The following NTM variants were observed in gnomAD, a reference collection of about 807,000 sequenced individuals.
NTM encodes IgLON family member 2.
In NTM, 13 loss-of-function variants were observed where a neutral mutation model predicts 42.1. That is an observed-to-expected ratio of 0.31 (90% CI 0.20 to 0.49). The LOEUF (loss-of-function observed/expected upper bound fraction) is 0.49, where lower values mean the gene tolerates loss of function less well. NTM is among the 20% of genes least tolerant of loss of function. NTM has a pLI of 0.99. For synonymous variants in NTM, 187 were observed against 179.2 expected, an observed-to-expected ratio of 1.04 and a Z score of -0.35; for missense variants, 373 against 452.8, an observed-to-expected ratio of 0.82 and a Z score of 1.60.
chr11:132,272,761 A>AT (rs979069246), intron 4 of NTM, among the ~76,000 whole-genome samples: 2 of 151,744 alleles, frequency 1.3e-5, no homozygotes, highest in Non-Finnish European at 2.9e-5. Context: ...ATTAGTTTGA[A>AT]TTTTTTTTAG....
chr11:132,326,939 G>C (rs1191274424), intron 7 of NTM, among the ~76,000 whole-genome samples: 1 of 152,186 alleles, frequency 6.6e-6, no homozygotes, highest in Non-Finnish European at 1.5e-5. Context: ...GAGTACACTT[G>C]GCTTTAAGAG....
intron 1 of NTM, among the ~76,000 whole-genome samples, chr11:131,494,523 G>A (rs1356677141): frequency 6.6e-6 from 1 of 152,210 alleles, no homozygotes; most frequent in Non-Finnish European, 1.5e-5. Flanking sequence ...ATTTGCTGGG[G>A]CTGGGAGTTT....
chr11:131,921,792 G>A (rs2057261215), intron 2 of NTM, among the ~76,000 whole-genome samples: 1 of 151,976 alleles, frequency 6.6e-6, no homozygotes, highest in African/African-American at 2.4e-5. Flanking sequence ...AATCAGGGTG[G>A]AAATGCTTGC....
At chr11:131,724,647 C>T (rs890945000) in intron 1 of NTM, among the ~76,000 whole-genome samples, 3 of 152,170 alleles carry the variant, frequency 2.0e-5, no homozygotes, top group Non-Finnish European at 1.5e-5. Flanking sequence ...TTTCAAAACC[C>T]GCAGCCCCTC....
intron 4 of NTM, among the ~76,000 whole-genome samples, chr11:132,241,464 A>G (rs2090174553): frequency 1.3e-5 from 2 of 152,182 alleles, no homozygotes; most frequent in Admixed American, 6.5e-5. Flanking sequence ...CCCCCCAGCA[A>G]TACAATTCAG....
chr11:131,910,959 T>G (rs1265317311), intron 1 of NTM: 2 of 993,880 alleles, frequency 2.0e-6, no homozygotes, highest in African/African-American at 3.5e-5. Flanking sequence ...ACTTCCCATC[T>G]GCTATTGTTT....
intron 2 of NTM, among the ~76,000 whole-genome samples, chr11:131,962,135 C>A (rs1040381094): frequency 6.6e-6 from 1 of 152,092 alleles, no homozygotes; most frequent in Admixed American, 6.5e-5. Flanking sequence ...AGCATACTTT[C>A]CTGGGTGCAT....
intron 2 of NTM, among the ~76,000 whole-genome samples, chr11:132,095,366 T>C (rs1488524756): frequency 6.6e-6 from 1 of 151,878 alleles, no homozygotes; most frequent in Admixed American, 6.6e-5. Flanking sequence ...ACAGGAACCC[T>C]TTCATCCACT....
At chr11:132,298,766 A>G (rs1484294497) in intron 4 of NTM, among the ~76,000 whole-genome samples, 1 of 152,216 alleles carries the variant, frequency 6.6e-6, no homozygotes, top group Non-Finnish European at 1.5e-5. Context: ...TATAGTTGAT[A>G]TATGCGTAGC....
chr11:131,795,039 AG>A (rs1169324636), intron 1 of NTM: 59 of 964,106 alleles, frequency 6.1e-5, no homozygotes, highest in Admixed American at 1.8e-4. Flanking sequence ...CTGTAGCCAA[AG>A]GGGGGGAAAA....
At chr11:132,075,201 A>G (rs1489901107) in intron 2 of NTM, among the ~76,000 whole-genome samples, 3 of 152,152 alleles carry the variant, frequency 2.0e-5, no homozygotes, top group Non-Finnish European at 2.9e-5. Context: ...GGGAATGAGC[A>G]TGGAGTTTCA....
chr11:132,132,782 A>G (rs1206790643), intron 2 of NTM, among the ~76,000 whole-genome samples: 1 of 152,178 alleles, frequency 6.6e-6, no homozygotes, highest in Non-Finnish European at 1.5e-5. Flanking sequence ...AAAAGAGAGA[A>G]GCACCCCACT....
chr11:131,672,035 G>A lies in NTM; in HGVS notation c.83-239529G>A, dbSNP rs117432630. Among the ~76,000 whole-genome samples, 1,058 of 152,330 alleles carry A rather than the reference G, an allele frequency of 6.9e-3. 7 individuals carry two copies. The highest frequency in any genetic ancestry group is 0.011 in the Non-Finnish European group (763 of 68,030). On this transcript the variant is annotated intron_variant, in intron 1 of 8. Transcript: ENST00000683400. ...GGGGCCCGCAGCGTGCCCTCGCTGT[G>A]TTCCTCTCCACGTGCACATCCCTTT...
At chr11:131,690,723 G>A (rs1338363504) in intron 1 of NTM, among the ~76,000 whole-genome samples, 4 of 152,248 alleles carry the variant, frequency 2.6e-5, no homozygotes, top group Non-Finnish European at 5.9e-5. Context: ...CAGGACGTGG[G>A]TGCTAAGCGT....
chr11:131,955,833 G>A (rs1266439895), intron 2 of NTM, among the ~76,000 whole-genome samples: 2 of 152,188 alleles, frequency 1.3e-5, no homozygotes, highest in East Asian at 1.9e-4. Context: ...TAATGTCCGC[G>A]CTTTGACTTT....
intron 2 of NTM, among the ~76,000 whole-genome samples, chr11:132,064,481 A>C (rs919523998): frequency 2.0e-5 from 3 of 152,226 alleles, no homozygotes; most frequent in African/African-American, 7.2e-5. Flanking sequence ...CAAAAGGTAC[A>C]AGAGTGAATA....
At chr11:131,824,127 A>C (rs922473138) in intron 1 of NTM, among the ~76,000 whole-genome samples, 1 of 152,228 alleles carries the variant, frequency 6.6e-6, no homozygotes, top group Non-Finnish European at 1.5e-5. Flanking sequence ...TAACAGAGAG[A>C]CATTTAATTT....
intron 1 of NTM, among the ~76,000 whole-genome samples, chr11:131,602,055 A>G (rs2060532936): frequency 6.6e-6 from 1 of 152,214 alleles, no homozygotes; most frequent in South Asian, 2.1e-4. Flanking sequence ...GAAACTAAAT[A>G]TCTCTCTAGT....
intron 2 of NTM, among the ~76,000 whole-genome samples, chr11:131,993,327 G>A (rs1195847930): frequency 6.6e-6 from 1 of 152,098 alleles, no homozygotes; most frequent in Non-Finnish European, 1.5e-5. Flanking sequence ...GGAGTAGGCA[G>A]TTCGTTGTCA....
Sources: allele counts gnomAD v4.1 joint callset (sites outside exome capture counted in the v4.1 genomes callset), GRCh38; gene constraint gnomAD v4.1.1; transcripts MANE v1.5; gene names NCBI Gene and HGNC (gene_info 2026-07-23, HGNC 2026-07-21).